Variants in TLR10 observed in about 807,000 individuals in gnomAD.
The protein encoded by TLR10 is toll-like receptor 10.
For synonymous variants in TLR10, 288 were observed against 338.8 expected, an observed-to-expected ratio of 0.85 and a Z score of 1.65; for missense variants, 929 against 932.9, an observed-to-expected ratio of 1.00 and a Z score of 0.05.
chr4:38,781,338 CT>C (rs34846566), intron 1 of TLR10, among the ~76,000 whole-genome samples: 25,419 of 144,656 alleles, frequency 0.18, 2,375 homozygotes, highest in East Asian at 0.38. Flanking sequence ...AGGACATACA[CT>C]TTTTTTTTTT....
Position 38,774,300 on chromosome 4 carries a change from T to A in TLR10, c.1291A>T (p.Asn431Tyr). The A allele has an allele frequency of 6.2e-7, 1 of 1,612,776 alleles. No individual in the cohort carries two copies. The highest frequency in any genetic ancestry group is 1.7e-5 in the Admixed American group (1 of 59,724). ...ETVVNMNLSYNKLSDSVFRCL... is the reference protein window; with the variant it reads ...ETVVNMNLSYYKLSDSVFRCL... ...CTGAAGACAGAATCAGACAATTTAT[T>A]GTATGACAGATTCATATTGACCACA... The change falls in exon 4 of 4, where the codon AAT becomes TAT. Residue 431 changes from asparagine (N) to tyrosine (Y), a missense_variant. By Grantham distance (143) the Asn-to-Tyr change is moderately radical. Transcript: ENST00000308973.
chr4:38,780,387 G>A (rs1725325779), intron 1 of TLR10, among the ~76,000 whole-genome samples: 1 of 141,570 alleles, frequency 7.1e-6, no homozygotes, highest in African/African-American at 2.8e-5. Flanking sequence ...CTGGGCAACA[G>A]AGCAAGACTC....
At position 38,775,654 on chromosome 4, in the gene TLR10, T is replaced by TA. The variant is rs971066137; in HGVS notation, c.-62-3dup. ...AATGATGAAGATGAGCTCAAAACCC[T>TA]AAAAAAAAGTATATAATATTAGATT... On this transcript the variant is annotated splice_polypyrimidine_tract_variant and splice_region_variant and intron_variant, in intron 3 of 3. Transcript: ENST00000308973. 51 of 1,400,198 alleles carry TA rather than the reference T, an allele frequency of 3.6e-5. No homozygotes were observed. The highest frequency in any genetic ancestry group is 4.6e-5 in the South Asian group (3 of 65,702). The allele number at this position is 1,400,198 out of a possible 1,614,324, so 86.7% of individuals were successfully genotyped here.
Position 38,773,800 on chromosome 4 carries a change from G to A in TLR10, c.1791C>T (p.Cys597=). 1 of 1,598,554 alleles carries A rather than the reference G, an allele frequency of 6.3e-7. No homozygotes were observed. The highest frequency in any genetic ancestry group is 8.5e-7 in the Non-Finnish European group (1 of 1,173,296). ...MLVLGLAVAF[C]CLHFDLPWYL... is the part of the protein sequence containing the mutation. ...ACCAGGGCAGATCAAAGTGGAGACAGCAGAAGGCCACAGCCAACCCCAGAA... is the reference window on the plus strand; with the variant it reads ...ACCAGGGCAGATCAAAGTGGAGACAACAGAAGGCCACAGCCAACCCCAGAA... The change falls in exon 4 of 4, where the codon TGC becomes TGT. Residue 597 remains cysteine (C), a synonymous_variant. Coordinates refer to ENST00000308973, the MANE Select transcript of TLR10 (RefSeq NM_030956.4).
Position 38,773,347 on chromosome 4 carries a change from G to A in TLR10, c.2244C>T (p.Leu748=). 3 of 1,613,172 alleles carry A rather than the reference G, an allele frequency of 1.9e-6. No homozygotes were observed. The highest frequency in any genetic ancestry group is 2.5e-6 in the Non-Finnish European group (3 of 1,179,730). The part of the protein sequence containing the change: ...IPTRYHKLKA[L]LEKKAYLEWP... ...ATTCCAAGTATGCTTTTTTTTCCAG[G>A]AGAGCTTTCAGTTTATGATACCTGG... Residue 748 remains leucine (L), a synonymous_variant, in exon 4 of 4, where the codon CTC becomes CTT. Coordinates refer to ENST00000308973, the MANE Select transcript of TLR10 (RefSeq NM_030956.4).
rs760849418 is a variant in TLR10 at position 38,774,997 on chromosome 4, T to C, written c.594A>G (p.Pro198=). 11 of 1,613,290 alleles carry C rather than the reference T, an allele frequency of 6.8e-6. No individual in the cohort carries two copies. The South Asian group carries it at 1.2e-4, about 18-fold the overall frequency. ...AAAGAACCCAGAAATTTGTGTCCAT[T>C]GGTAAAACAATGTGCAGTTTTGTTG... ...LNTTKLHIVL[P]MDTNFWVLLR... The change falls in exon 4 of 4, where the codon CCA becomes CCG. Residue 198 remains proline, a synonymous_variant. Coordinates refer to ENST00000308973, the MANE Select transcript of TLR10 (RefSeq NM_030956.4).
In TLR10 at chr4:38,773,684, G is replaced by A. The variant is rs1315368783; in HGVS notation, c.1907C>T (p.Ala636Val). ...ATCATGTTCACTGTATGAAATAAAT[G>A]CGTGGAATCGGACATTTCTCTTGAG... Reference protein sequence around the residue: ...EQLKRNVRFHAFISYSEHDSL... With the variant: ...EQLKRNVRFHVFISYSEHDSL... Residue 636 changes from alanine to valine, a missense_variant, in exon 4 of 4, where the codon GCA becomes GTA. Coordinates refer to ENST00000308973, the MANE Select transcript of TLR10 (RefSeq NM_030956.4). 6.2e-7 allele frequency: 1 copy of A among 1,613,204 alleles called. No homozygotes were observed.
Position 38,772,896 on chromosome 4 carries a change from C to A in TLR10, c.*259G>T. The stretch of plus-strand genomic sequence containing the variant: ...TTGGCCTCCCATAGTGCTGGGATTA[C>A]AAGAGTGAGCCACTGCACCTGGCCA... On this transcript the variant is annotated 3_prime_UTR_variant, in exon 4 of 4. Transcript: ENST00000308973. 4.2e-6 allele frequency: 1 copy of A among 238,512 alleles called. No individual in the cohort carries two copies. Among genetic ancestry groups the A allele is most frequent in the Admixed American group, 5.3e-5 (1 of 18,944 alleles). 14.8% of individuals were successfully genotyped at this position (238,512 alleles called of 1,614,324 possible).
Position 38,774,183 on chromosome 4 carries a change from C to G in TLR10, c.1408G>C (p.Glu470Gln). Residue 470 changes from glutamate to glutamine, a missense_variant, in exon 4 of 4, where the codon GAA becomes CAA. By Grantham distance (29) the Glu-to-Gln change is conservative (BLOSUM62 2). Coordinates refer to ENST00000308973, the MANE Select transcript of TLR10 (RefSeq NM_030956.4). ...KETIHLMALR[E>Q]LNIAFNFLTD... The stretch of plus-strand genomic sequence containing the variant: ...AGAAAATTAAATGCAATATTTAGTT[C>G]TCGTAAGGCCATCAGATGAATAGTC... 1 of 1,612,548 alleles carries G rather than the reference C, an allele frequency of 6.2e-7. No homozygotes were observed. Among genetic ancestry groups the G allele is most frequent in the Non-Finnish European group, 8.5e-7 (1 of 1,179,468 alleles).
At chr4:38,781,552 T>C (rs1725413532) in intron 1 of TLR10, among the ~76,000 whole-genome samples, 1 of 152,108 alleles carries the variant, frequency 6.6e-6, no homozygotes, top group East Asian at 1.9e-4. Context: ...TGATGTAGTC[T>C]ATAAATAGTA....
chr4:38,774,517 A>G lies in TLR10; in HGVS notation c.1074T>C (p.Asn358=), dbSNP rs1282070541. The change falls in exon 4 of 4, where the codon AAT becomes AAC. Residue 358 remains asparagine (N), a synonymous_variant. Coordinates refer to ENST00000308973, the MANE Select transcript of TLR10 (RefSeq NM_030956.4). ...TKFQYLNFAN[N]ILTDELFKRT... is the part of the protein sequence containing the mutation. ...TTTTAAACAACTCGTCTGTTAAGAT[A>G]TTATTGGCAAAATTTAAATATTGGA... The G allele has an allele frequency of 2.5e-6, 4 of 1,584,214 alleles. No homozygotes were observed. Among genetic ancestry groups the G allele is most frequent in the Admixed American group, 1.9e-5 (1 of 52,328 alleles).
Position 38,774,399 on chromosome 4 carries a change from G to C in TLR10, c.1192C>G (p.Pro398Ala), listed in dbSNP as rs772298337. 4 of 1,613,264 alleles carry C rather than the reference G, an allele frequency of 2.5e-6. No individual in the cohort carries two copies. Among genetic ancestry groups the C allele is most frequent in the Non-Finnish European group, 3.4e-6 (4 of 1,179,846 alleles). ...SLVSCFANNT[P>A]LEHLDLSQNL... ...TGACTCAGATCCAAGTGTTCCAAGG[G>C]TGTGTTGTTAGCAAAGCAACTTACT... The change falls in exon 4 of 4, where the codon CCC (proline) becomes GCC (alanine). Residue 398 changes from proline to alanine, a missense_variant. Pro to Ala is a conservative substitution (Grantham distance 27). Coordinates refer to ENST00000308973, the MANE Select transcript of TLR10 (RefSeq NM_030956.4).
chr4:38,773,140 A>T lies in TLR10; in HGVS notation c.*15T>A, dbSNP rs1365741670. 3 of 1,509,162 alleles carry T rather than the reference A, an allele frequency of 2.0e-6. No individual in the cohort carries two copies. Among genetic ancestry groups the T allele is most frequent in the Non-Finnish European group, 2.6e-6 (3 of 1,133,746 alleles). 93.5% of individuals were successfully genotyped at this position (1,509,162 alleles called of 1,614,324 possible). On this transcript the variant is annotated 3_prime_UTR_variant, in exon 4 of 4. Coordinates refer to ENST00000308973, the MANE Select transcript of TLR10 (RefSeq NM_030956.4). ...CAGTGTATGTGGTCCCCAACTTCCC[A>T]AGGACTGTGGGATTTTATAGACAAT... is the stretch of plus-strand genomic sequence containing the variant.
In TLR10 at chr4:38,772,357, A is replaced by G. The variant is rs1028475330; in HGVS notation, c.*798T>C. The stretch of plus-strand genomic sequence containing the variant: ...GAAATCAAATGCTCCCTGTAATCCA[A>G]CCTCCCAGACCCAAACCACTGTTAC... On this transcript the variant is annotated 3_prime_UTR_variant, in exon 4 of 4. Coordinates refer to ENST00000308973, the MANE Select transcript of TLR10 (RefSeq NM_030956.4). The G allele has an allele frequency of 6.6e-6, 1 of 152,002 alleles. No individual in the cohort carries two copies. The highest frequency in any genetic ancestry group is 1.9e-4 in the East Asian group (1 of 5,190). The allele number at this position is 152,002 out of a possible 1,614,324, so 9.4% of individuals were successfully genotyped here.
chr4:38,776,382 A>C lies in TLR10; in HGVS notation c.-524T>G, dbSNP rs899738500. The C allele has an allele frequency of 7.4e-5, 13 of 175,298 alleles. No individual in the cohort carries two copies. The highest frequency in any genetic ancestry group is 6.1e-4 in the Admixed American group (11 of 18,002). 10.9% of individuals were successfully genotyped at this position (175,298 alleles called of 1,614,324 possible). A position where few individuals can be genotyped will look rare whatever the true frequency, so the allele number is the denominator to read the frequency against. The stretch of plus-strand genomic sequence containing the variant: ...GTTGTTAGACAACTATAAATGTCTT[A>C]ACTTCTTGTTGAATTCAAAGGTCTT... On this transcript the variant is annotated 5_prime_UTR_variant, in exon 2 of 4. Transcript: ENST00000308973.
In TLR10 at chr4:38,775,007, ATG is replaced by A. The variant is rs1396793172; in HGVS notation, c.582_583del (p.Ile195CysfsTer14). Reference sequence around the variant, plus strand: ...GAAATTTGTGTCCATTGGTAAAACAATGTGCAGTTTTGTTGTGTTTAAGATGG... The same window carrying A: ...GAAATTTGTGTCCATTGGTAAAACAATGCAGTTTTGTTGTGTTTAAGATGG... On this transcript the variant is annotated frameshift_variant, in exon 4 of 4. Coordinates refer to ENST00000308973, the MANE Select transcript of TLR10 (RefSeq NM_030956.4). LOFTEE classifies it low-confidence loss of function (END_TRUNC). 1 of 1,613,222 alleles carries A rather than the reference ATG, an allele frequency of 6.2e-7. No individual in the cohort carries two copies. Among genetic ancestry groups the A allele is most frequent in the Non-Finnish European group, 8.5e-7 (1 of 1,179,774 alleles).
In TLR10 at chr4:38,774,315, T is replaced by C. The variant is rs1430288769; in HGVS notation, c.1276A>G (p.Met426Val). Residue 426 changes from methionine to valine, a missense_variant, in exon 4 of 4, where the codon ATG becomes GTG. Physicochemically the swap from Met to Val is conservative, Grantham distance 21. Coordinates refer to ENST00000308973, the MANE Select transcript of TLR10 (RefSeq NM_030956.4). ...GACAATTTATTGTATGACAGATTCA[T>C]ATTGACCACAGTTTCTGGCCATGAG... ...NCSWPETVVNMNLSYNKLSDS... is the reference protein window; with the variant it reads ...NCSWPETVVNVNLSYNKLSDS... 7 of 1,611,540 alleles carry C rather than the reference T, an allele frequency of 4.3e-6. No individual in the cohort carries two copies. The highest frequency in any genetic ancestry group is 5.9e-6 in the Non-Finnish European group (7 of 1,179,264).
Position 38,775,879 on chromosome 4 carries a change from G to A in TLR10, c.-167C>T, listed in dbSNP as rs1725032853. On this transcript the variant is annotated 5_prime_UTR_variant, in exon 3 of 4. Transcript: ENST00000308973. Reference sequence around the variant, plus strand: ...GTTGAGGTAAGTCAGGATTCTCAGAGAGGAGAAGCATAATGGACCTTTGGT... The same window carrying A: ...GTTGAGGTAAGTCAGGATTCTCAGAAAGGAGAAGCATAATGGACCTTTGGT... The A allele has an allele frequency of 7.5e-6, 2 of 265,566 alleles. No individual in the cohort carries two copies. The highest frequency in any genetic ancestry group is 1.4e-5 in the Non-Finnish European group (2 of 142,324). The allele number at this position is 265,566 out of a possible 1,614,324, so 16.5% of individuals were successfully genotyped here.
intron 1 of TLR10, among the ~76,000 whole-genome samples, chr4:38,779,517 A>G (rs966677327): frequency 6.6e-6 from 1 of 152,200 alleles, no homozygotes; most frequent in African/African-American, 2.4e-5. Context: ...TGAATATTCT[A>G]TTTAATTAAC....
Sources: gnomAD v4.1 joint callset for allele counts (sites outside exome capture counted in the v4.1 genomes callset) on GRCh38, gnomAD v4.1.1 for gene constraint, MANE v1.5 for transcripts, NCBI Gene and HGNC (gene_info 2026-07-23, HGNC 2026-07-21) for gene names.